MYO5A: variants seen among roughly 807,000 people sequenced by gnomAD.
MYO5A encodes the protein myosin VA.
Under a neutral mutation model 249.7 loss-of-function variants are expected in MYO5A, and 98 were observed. The observed-to-expected ratio is 0.39, with a 90% CI of 0.33 to 0.46. MYO5A has a LOEUF of 0.46. Among genes scored for constraint, MYO5A ranks in the 20% least tolerant of loss-of-function variants. The probability of loss-of-function intolerance (pLI) is 0.98; values close to 1 mark genes in which losing one functional copy is unlikely to be tolerated. For synonymous variants in MYO5A, 778 were observed against 810.6 expected, an observed-to-expected ratio of 0.96 and a Z score of 0.68; for missense variants, 1,696 against 2,308.8, an observed-to-expected ratio of 0.73 and a Z score of 5.44.
At chr15:52,440,272 CT>C (rs202124249) in intron 1 of MYO5A, among the ~76,000 whole-genome samples, 11 of 145,666 alleles carry the variant, frequency 7.6e-5, no homozygotes, top group Admixed American at 6.8e-5. Context: ...TTTTCTTTTT[CT>C]TTTTTTTTTT....
chr15:52,464,334 G>A (rs2076312249), intron 1 of MYO5A, among the ~76,000 whole-genome samples: 1 of 152,202 alleles, frequency 6.6e-6, no homozygotes. Flanking sequence ...CCAGCCTTCT[G>A]TTGTTCCTAG....
intron 4 of MYO5A, among the ~76,000 whole-genome samples, chr15:52,417,958 T>C (rs1243351682): frequency 6.6e-6 from 1 of 152,282 alleles, no homozygotes; most frequent in East Asian, 1.9e-4. Flanking sequence ...AAGACTGTAA[T>C]ACATGTGATG....
chr15:52,311,698 T>C lies in MYO5A; in HGVS notation c.*1998A>G, dbSNP rs2037780330. On this transcript the variant is annotated 3_prime_UTR_variant, in exon 42 of 42. Transcript: ENST00000399233. ...TTGACAGGCACTACACACTGGTCTT[T>C]CCATCAGAGAATGGACTTACTGAGT... The C allele has an allele frequency of 6.6e-6, 1 of 152,252 alleles. No homozygotes were observed. 9.4% of individuals were successfully genotyped at this position (152,252 alleles called of 1,614,324 possible).
At chr15:52,471,707 G>A (rs2141453481) in intron 1 of MYO5A, among the ~76,000 whole-genome samples, 1 of 152,166 alleles carries the variant, frequency 6.6e-6, no homozygotes, top group South Asian at 2.1e-4. Context: ...GGGGAGAGCT[G>A]GGGTGGGGTG....
intron 40 of MYO5A, among the ~76,000 whole-genome samples, chr15:52,315,377 T>C (rs956658873): frequency 4.0e-5 from 6 of 151,688 alleles, no homozygotes; most frequent in African/African-American, 1.5e-4. Context: ...CAAGTCTTGA[T>C]TCTGATTGTC....
intron 31 of MYO5A, 70 bp from the exon 32 acceptor site, chr15:52,340,464 T>G: frequency 1.5e-6 from 2 of 1,306,558 alleles, no homozygotes; most frequent in Non-Finnish European, 2.2e-6. Flanking sequence ...GTGTAAGGCA[T>G]CGTGTTCACT....
intron 31 of MYO5A, among the ~76,000 whole-genome samples, chr15:52,342,873 A>T (rs1596317601): frequency 6.6e-6 from 1 of 151,738 alleles, no homozygotes; most frequent in Non-Finnish European, 1.5e-5. Flanking sequence ...CTGAGATCGC[A>T]CCACTGCACT....
At chr15:52,430,805 A>ATATAGACAT (rs1396350215) in intron 2 of MYO5A, among the ~76,000 whole-genome samples, 3 of 152,232 alleles carry the variant, frequency 2.0e-5, no homozygotes, top group Non-Finnish European at 4.4e-5. Context: ...ATAATGAATA[A>ATATAGACAT]GTAATATAGC....
Position 52,308,414 on chromosome 15 carries a change from A to C in MYO5A, c.*5282T>G, listed in dbSNP as rs2037682629. 6.6e-6 allele frequency: 1 copy of C among 152,242 alleles called. No homozygotes were observed. Among genetic ancestry groups the C allele is most frequent in the Non-Finnish European group, 1.5e-5 (1 of 68,040 alleles). The allele number at this position is 152,242 out of a possible 1,614,324, so 9.4% of individuals were successfully genotyped here. ...CTTTTATAGTACAGGGTTCTTAAAA[A>C]ATTTTGAAAAGAATGTCCACAAAAA... On this transcript the variant is annotated 3_prime_UTR_variant, in exon 42 of 42. Coordinates refer to ENST00000399233, the MANE Select transcript of MYO5A (RefSeq NM_001382347.1).
chr15:52,391,146 T>C (rs776180393), intron 12 of MYO5A, among the ~76,000 whole-genome samples: 5 of 152,222 alleles, frequency 3.3e-5, no homozygotes, highest in Non-Finnish European at 7.3e-5. Flanking sequence ...TCCTATAAAG[T>C]ATGTTGAATG....
chr15:52,401,976 T>A (rs78412973), intron 9 of MYO5A, among the ~76,000 whole-genome samples: 1 of 152,358 alleles, frequency 6.6e-6, no homozygotes, highest in East Asian at 1.9e-4. Flanking sequence ...GACTCTGCTA[T>A]CTGTCGTTTC....
chr15:52,417,440 G>C (rs529492666), intron 4 of MYO5A, among the ~76,000 whole-genome samples: 1 of 152,278 alleles, frequency 6.6e-6, no homozygotes, highest in South Asian at 2.1e-4. Context: ...TCCTATTAAA[G>C]TATCCTCATC....
At chr15:52,505,772 A>T in intron 1 of MYO5A, 1 of 1,557,372 alleles carries the variant, frequency 6.4e-7, no homozygotes, top group Non-Finnish European at 8.7e-7. Context: ...GTTGAGGATG[A>T]TAAAGTTGGA....
chr15:52,525,584 C>G (rs1328793770), intron 1 of MYO5A, among the ~76,000 whole-genome samples: 1 of 152,154 alleles, frequency 6.6e-6, no homozygotes, highest in Non-Finnish European at 1.5e-5. Flanking sequence ...GAGCACTTTT[C>G]AGATTTAACC....
At chr15:52,404,038 G>A (rs1274339408) in intron 9 of MYO5A, among the ~76,000 whole-genome samples, 1 of 152,070 alleles carries the variant, frequency 6.6e-6, no homozygotes, top group Non-Finnish European at 1.5e-5. Context: ...GGCCAAGGTG[G>A]GCGGATCATC....
At chr15:52,498,095 A>G (rs1417108241) in intron 1 of MYO5A, among the ~76,000 whole-genome samples, 1 of 152,128 alleles carries the variant, frequency 6.6e-6, no homozygotes, top group African/African-American at 2.4e-5. Context: ...AAAACAACAA[A>G]AACTCATAAT....
At chr15:52,399,649 T>C (rs1216473410) in intron 9 of MYO5A, among the ~76,000 whole-genome samples, 1 of 152,062 alleles carries the variant, frequency 6.6e-6, no homozygotes, top group East Asian at 1.9e-4. Context: ...ACCTGAAACT[T>C]TTTTTTCTTT....
Position 52,327,967 on chromosome 15 carries a change from C to A in MYO5A, c.4595G>T (p.Gly1532Val). Reference protein sequence around the residue: ...PRGVAVNLIPGLPAYILFMCV... With the variant: ...PRGVAVNLIPVLPAYILFMCV... ...CATGAACAGGATATATGCCGGTAAT[C>A]CTGGAATCAAATTGACTGCTACACC... Residue 1532 changes from glycine to valine, a missense_variant, in exon 36 of 42, where the codon GGA becomes GTA. Around this residue, in one of 5 missense-constraint regions of MYO5A, gnomAD observed 625 missense variants for 908.1 expected, o/e 0.69. Transcript: ENST00000399233. The A allele has an allele frequency of 6.2e-7, 1 of 1,613,608 alleles. No homozygotes were observed. The highest frequency in any genetic ancestry group is 8.5e-7 in the Non-Finnish European group (1 of 1,179,688).
rs199858390 is a variant in MYO5A, at chr15:52,463,528, TA to T, written c.28-30244del. On this transcript the variant is annotated intron_variant, in intron 1 of 41. Coordinates refer to ENST00000399233, the MANE Select transcript of MYO5A (RefSeq NM_001382347.1). The stretch of plus-strand genomic sequence containing the variant: ...CTCATTTTTTCCTCATTTTCTTAGT[TA>T]TTTAAACTTCTCTTACAGACATTTT... Among the ~76,000 whole-genome samples, 1,515 of 152,316 alleles carry T rather than the reference TA, an allele frequency of 9.9e-3. 26 individuals are homozygous for T. The highest frequency in any genetic ancestry group is 0.035 in the African/African-American group (1,437 of 41,568).
Sources: allele counts gnomAD v4.1 joint callset (sites outside exome capture counted in the v4.1 genomes callset), GRCh38; gene constraint gnomAD v4.1.1; regional missense constraint gnomAD v4.1.1; transcripts MANE v1.5; gene names NCBI Gene and HGNC (gene_info 2026-07-23, HGNC 2026-07-21).